KCTD17: variants seen among roughly 807,000 people sequenced by gnomAD.
The protein encoded by KCTD17 is BTB/POZ domain-containing protein KCTD17.
KCTD17 carries 20 observed loss-of-function variants against 41.5 expected under a neutral mutation model. That is an observed-to-expected ratio of 0.48 (90% CI 0.34 to 0.70). The LOEUF is 0.70. KCTD17 is among the 30% of genes least tolerant of loss of function. KCTD17 has a pLI of 0.01. For synonymous variants in KCTD17, 156 were observed against 173.8 expected (o/e 0.90, Z 0.80); for missense variants, 317 against 427.2 (o/e 0.74, Z 2.27).
rs1364553105 is a variant in KCTD17, at chr22:37,053,238, C to G, written c.298+30C>G. ...GTTGGTCCAGGGGGCTGGCCTGGAC[C>G]TTATGCAGCCTGCCAGGGCCCTCTG... On this transcript the variant is annotated intron_variant, in intron 2 of 8. Transcript: ENST00000403888. This position sits in a 1 kb window ranked among gnomAD's most constrained non-coding sequence, Gnocchi z 4.1. 2 of 1,514,498 alleles carry G rather than the reference C, an allele frequency of 1.3e-6. No individual in the cohort carries two copies. The highest frequency in any genetic ancestry group is 1.8e-6 in the Non-Finnish European group (2 of 1,109,552). 93.8% of individuals were successfully genotyped at this position (1,514,498 alleles called of 1,614,324 possible).
intron 5 of KCTD17, chr22:37,059,652 G>C: frequency 1.6e-6 from 1 of 626,962 alleles, no homozygotes; most frequent in Non-Finnish European, 2.7e-6. Flanking sequence ...CATCCCCAGG[G>C]TGCAGCCGGC....
chr22:37,061,558 C>G lies in KCTD17; in HGVS notation c.804C>G (p.Leu268=). 6.2e-7 allele frequency: 1 copy of G among 1,601,870 alleles called. No individual in the cohort carries two copies. Among genetic ancestry groups the G allele is most frequent in the South Asian group, 1.1e-5 (1 of 90,982 alleles). The change falls in exon 8 of 9, where the codon CTC becomes CTG. Residue 268 remains leucine (L), a synonymous_variant. Transcript: ENST00000403888. The surrounding 1 kb of genome is among the most constrained non-coding windows in gnomAD (Gnocchi z 6.6). ...LPAGGSRPHP[L]RPEAELAVRA... ...TTGCAGGTTCCCGTCCGCACCCTCTCAGACCTGAGGCTGAGCTTGCAGTGA... is the reference window on the plus strand; with the variant it reads ...TTGCAGGTTCCCGTCCGCACCCTCTGAGACCTGAGGCTGAGCTTGCAGTGA...
In KCTD17 at chr22:37,061,760, G is replaced by A; in HGVS notation, c.875+131G>A. ...AAGTTTCTCATCCGACCTTGGCCTT[G>A]GGGGTGAGGCTCTGAGAGGAGAAGA... is the stretch of plus-strand genomic sequence containing the variant. On this transcript the variant is annotated intron_variant, in intron 8 of 8. Transcript: ENST00000403888. This position sits in a 1 kb window ranked among gnomAD's most constrained non-coding sequence, Gnocchi z 6.6. 1 of 1,449,196 alleles carries A rather than the reference G, an allele frequency of 6.9e-7. No individual in the cohort carries two copies. Among genetic ancestry groups the A allele is most frequent in the East Asian group, 2.6e-5 (1 of 39,014 alleles). 89.8% of individuals were successfully genotyped at this position (1,449,196 alleles called of 1,614,324 possible).
intron 5 of KCTD17, among the ~76,000 whole-genome samples, chr22:37,059,878 G>A (rs1431956243): frequency 2.0e-5 from 3 of 152,200 alleles, no homozygotes; most frequent in Admixed American, 1.3e-4. Context: ...CCAAATGGCC[G>A]TTTATTCCCC....
At chr22:37,054,777 C>T (rs75327537) in intron 2 of KCTD17, among the ~76,000 whole-genome samples, 3,317 of 152,244 alleles carry the variant, frequency 0.022, 132 homozygotes, top group African/African-American at 0.076. Flanking sequence ...AGGGCTCCGC[C>T]CAGGGCACTG....
chr22:37,062,350 G>A (rs1925891005), intron 8 of KCTD17, 175 bp from the exon 9 acceptor site: 1 of 984,800 alleles, frequency 1.0e-6, no homozygotes. Context: ...CCTTCTTTGG[G>A]CCTCAGCCCC....
chr22:37,056,661 C>A (rs1252493259), intron 3 of KCTD17, among the ~76,000 whole-genome samples: 1 of 152,182 alleles, frequency 6.6e-6, no homozygotes, highest in East Asian at 1.9e-4. Context: ...GCCAGGCTCG[C>A]CCTCTCCGGA....
At position 37,056,542 on chromosome 22, in the gene KCTD17, C is replaced by A. The variant is rs144863839; in HGVS notation, c.390+131C>A. The A allele has an allele frequency of 1.1e-4, 78 of 711,742 alleles. No individual in the cohort carries two copies. The African/African-American group carries it at 1.1e-3, about 10-fold the overall frequency. 44.1% of individuals were successfully genotyped at this position (711,742 alleles called of 1,614,324 possible). ...GTTTGTCATGGGGAGGCCGAGCTGGCCTGTAAGGAGAGGCATGGTTGGGCT... is the reference window on the plus strand; with the variant it reads ...GTTTGTCATGGGGAGGCCGAGCTGGACTGTAAGGAGAGGCATGGTTGGGCT... On this transcript the variant is annotated intron_variant, in intron 3 of 8. Coordinates refer to ENST00000403888, the MANE Select transcript of KCTD17 (RefSeq NM_001282684.2).
rs1568989457 is a variant in KCTD17, at chr22:37,063,341, C to T, written c.*747C>T. On this transcript the variant is annotated 3_prime_UTR_variant, in exon 9 of 9. Transcript: ENST00000403888. The surrounding 1 kb of genome is among the most constrained non-coding windows in gnomAD (Gnocchi z 4.6). Reference sequence around the variant, plus strand: ...GACTTCCCGGGATGGGTCCTTGCTTCTCAGCTGTGTCCGACCCCACCATGT... The same window carrying T: ...GACTTCCCGGGATGGGTCCTTGCTTTTCAGCTGTGTCCGACCCCACCATGT... 6.6e-6 allele frequency: 1 copy of T among 152,254 alleles called. No individual in the cohort carries two copies. The highest frequency in any genetic ancestry group is 1.5e-5 in the Non-Finnish European group (1 of 68,122). 9.4% of individuals were successfully genotyped at this position (152,254 alleles called of 1,614,324 possible). A position where few individuals can be genotyped will look rare whatever the true frequency, so the allele number is the denominator to read the frequency against.
intron 1 of KCTD17, 66 bp downstream of exon 1, chr22:37,052,015 G>A: frequency 1.5e-6 from 2 of 1,292,936 alleles, no homozygotes; most frequent in Non-Finnish European, 2.0e-6. Context: ...CGGGGCTGTC[G>A]GGCCTGGCTC....
At chr22:37,060,341 G>T (rs965134338) in intron 5 of KCTD17, among the ~76,000 whole-genome samples, 4 of 152,100 alleles carry the variant, frequency 2.6e-5, no homozygotes, top group South Asian at 4.1e-4. Flanking sequence ...CCCTGCAAGG[G>T]TGCAGAGCGA....
intron 4 of KCTD17, among the ~76,000 whole-genome samples, chr22:37,057,797 C>A (rs1442605237): frequency 6.6e-6 from 1 of 152,200 alleles, no homozygotes; most frequent in Non-Finnish European, 1.5e-5. Context: ...TCTGTGGCCC[C>A]CGAAGGACAG....
chr22:37,061,576 T>C lies in KCTD17; in HGVS notation c.822T>C (p.Leu274=), dbSNP rs544640111. ...ACCCTCTCAGACCTGAGGCTGAGCT[T>C]GCAGTGAGGGCTTCTCCTCGGCCCC... The part of the protein sequence containing the change: ...RPHPLRPEAE[L]AVRASPRPLA... Residue 274 remains leucine (L), a synonymous_variant, in exon 8 of 9, where the codon CTT becomes CTC. Coordinates refer to ENST00000403888, the MANE Select transcript of KCTD17 (RefSeq NM_001282684.2). This position sits in a 1 kb window ranked among gnomAD's most constrained non-coding sequence, Gnocchi z 6.6. 6.2e-7 allele frequency: 1 copy of C among 1,601,854 alleles called. No homozygotes were observed. Among genetic ancestry groups the C allele is most frequent in the Non-Finnish European group, 8.5e-7 (1 of 1,179,688 alleles).
chr22:37,059,396 C>T lies in KCTD17; in HGVS notation c.570C>T (p.Ser190=). The T allele has an allele frequency of 6.2e-7, 1 of 1,612,444 alleles. No homozygotes were observed. Among genetic ancestry groups the T allele is most frequent in the South Asian group, 1.1e-5 (1 of 91,082 alleles). ...FLCVVSKELH[S]TPNGLSSESS... is the part of the protein sequence containing the mutation. ...GTGTGGTGTCCAAGGAGCTCCACAG[C>T]ACCCCAAACGGGCTGAGCTCAGAGT... The change falls in exon 5 of 9, where the codon AGC becomes AGT. Residue 190 remains serine, a synonymous_variant. Transcript: ENST00000403888.
chr22:37,056,054 C>G lies in KCTD17; in HGVS notation c.299-266C>G, dbSNP rs1420845311. 2.0e-5 allele frequency among the ~76,000 whole-genome samples: 3 copies of G among 152,140 alleles called. No individual in the cohort carries two copies. In the East Asian group the frequency reaches 5.8e-4, roughly 29 times the overall value. On this transcript the variant is annotated intron_variant, in intron 2 of 8. Coordinates refer to ENST00000403888, the MANE Select transcript of KCTD17 (RefSeq NM_001282684.2). ...TGTCTCTTGATAGCCCTAAAGCTGC[C>G]CCAGACGGTGGCCTGGCAGGTACCC...
In KCTD17 at chr22:37,060,871, G is replaced by A. The variant is rs1336219256; in HGVS notation, c.661G>A (p.Glu221Lys). Residue 221 changes from glutamate to lysine, a missense_variant, in exon 6 of 9, where the codon GAG (glutamate) becomes AAG (lysine). Transcript: ENST00000403888. ...EEQQQQEEEVEEVEVEQVQVE... is the reference protein window; with the variant it reads ...EEQQQQEEEVKEVEVEQVQVE... ...GCAGCAGCAGCAGGAGGAGGAGGTGGAGGAGGTGGAGGTGGAACAGGTGCA... is the reference window on the plus strand; with the variant it reads ...GCAGCAGCAGCAGGAGGAGGAGGTGAAGGAGGTGGAGGTGGAACAGGTGCA... 2 of 1,537,036 alleles carry A rather than the reference G, an allele frequency of 1.3e-6. No homozygotes were observed. The highest frequency in any genetic ancestry group is 1.4e-5 in the African/African-American group (1 of 72,740).
rs1221903523 is a variant in KCTD17 at position 37,062,725 on chromosome 22, C to T, written c.*131C>T. 4.7e-6 allele frequency: 7 copies of T among 1,490,524 alleles called. No homozygotes were observed. The highest frequency in any genetic ancestry group is 6.2e-6 in the Non-Finnish European group (7 of 1,122,546). 92.3% of individuals were successfully genotyped at this position (1,490,524 alleles called of 1,614,324 possible). On this transcript the variant is annotated 3_prime_UTR_variant, in exon 9 of 9. Transcript: ENST00000403888. ...GCCTCCAGGGGCGGGGCGGGGCCCC[C>T]CTGGGACCTCTTAAGGCCCAAGGTG...
chr22:37,053,785 G>A lies in KCTD17; in HGVS notation c.298+577G>A, dbSNP rs747702083. ...TGGTTATCCCCAGGCCTAGGTGGCC[G>A]AGGCCCTGGATATGCCCATATCCGG... On this transcript the variant is annotated intron_variant, in intron 2 of 8. Transcript: ENST00000403888. The surrounding 1 kb of genome is among the most constrained non-coding windows in gnomAD (Gnocchi z 4.1). Among the ~76,000 whole-genome samples, 1 of 152,180 alleles carries A rather than the reference G, an allele frequency of 6.6e-6. No individual in the cohort carries two copies. The highest frequency in any genetic ancestry group is 1.5e-5 in the Non-Finnish European group (1 of 68,020).
In KCTD17 at chr22:37,059,389, T is replaced by G. The variant is rs752773805; in HGVS notation, c.563T>G (p.Leu188Arg). 6.2e-7 allele frequency: 1 copy of G among 1,612,558 alleles called. No individual in the cohort carries two copies. Among genetic ancestry groups the G allele is most frequent in the Non-Finnish European group, 8.5e-7 (1 of 1,179,786 alleles). ...TTCCTGTGTGTGGTGTCCAAGGAGC[T>G]CCACAGCACCCCAAACGGGCTGAGC... Reference protein sequence around the residue: ...AEFLCVVSKELHSTPNGLSSE... With the variant: ...AEFLCVVSKERHSTPNGLSSE... Residue 188 changes from leucine to arginine, a missense_variant, in exon 5 of 9, where the codon CTC becomes CGC. Transcript: ENST00000403888.
Sources: allele counts gnomAD v4.1 joint callset (sites outside exome capture counted in the v4.1 genomes callset), GRCh38; gene constraint gnomAD v4.1.1; non-coding constraint Gnocchi (gnomAD v3.1); transcripts MANE v1.5; gene names NCBI Gene and HGNC (gene_info 2026-07-23, HGNC 2026-07-21).